TOX3: variants seen among roughly 807,000 people sequenced by gnomAD.
TOX3 encodes CAG trinucleotide repeat-containing gene F9 protein.
In TOX3, 22 loss-of-function variants were observed where a neutral mutation model predicts 64.3. That is an observed-to-expected ratio of 0.34 (90% CI 0.24 to 0.49). TOX3 has a LOEUF of 0.49. Ranked by LOEUF, TOX3 falls within the 20% of genes least tolerant of loss-of-function variation. The probability of loss-of-function intolerance (pLI) is 0.99; values close to 1 mark genes in which losing one functional copy is unlikely to be tolerated. For synonymous variants in TOX3, 291 were observed against 273.6 expected (o/e 1.06, Z -0.63); for missense variants, 661 against 714.4 (o/e 0.93, Z 0.85).
At chr16:52,480,074 G>A (rs144880893) in intron 1 of TOX3, among the ~76,000 whole-genome samples, 2 of 152,120 alleles carry the variant, frequency 1.3e-5, no homozygotes. Flanking sequence ...ACAGTCCTTG[G>A]GGGCAGAGGC....
chr16:52,439,581 T>G lies in TOX3; in HGVS notation c.1375A>C (p.Met459Leu). 1 of 1,578,564 alleles carries G rather than the reference T, an allele frequency of 6.3e-7. No homozygotes were observed. The change falls in exon 7 of 7, where the codon ATG becomes CTG. Residue 459 changes from methionine (M) to leucine (L), a missense_variant. Coordinates refer to ENST00000219746, the MANE Select transcript of TOX3 (RefSeq NM_001080430.4). ...TGCTGCTGGAGTTGCTGCTGCTGCA[T>G]CTGTTGCATCTGTTGTTGTTGCTGC... ...QQQQQQQMQQ[M>L]QQQQLQQHQM...
intron 1 of TOX3, among the ~76,000 whole-genome samples, chr16:52,526,433 G>A (rs866857119): frequency 2.0e-5 from 3 of 152,158 alleles, no homozygotes; most frequent in Non-Finnish European, 4.4e-5. Context: ...ATGGTAGCTC[G>A]GATGGATTCC....
In TOX3 at chr16:52,480,097, G is replaced by A. The variant is rs572611910; in HGVS notation, c.88-11523C>T. Among the ~76,000 whole-genome samples the A allele has an allele frequency of 2.4e-4, 36 of 152,230 alleles. No homozygotes were observed. The South Asian group carries it at 7.5e-3, about 32-fold the overall frequency. On this transcript the variant is annotated intron_variant, in intron 1 of 6. Coordinates refer to ENST00000219746, the MANE Select transcript of TOX3 (RefSeq NM_001080430.4). Reference sequence around the variant, plus strand: ...TGGGGGCAGAGGCAATGCCTCATTGGCCATTGCAACACCAGGGCCAGGCAC... The same window carrying A: ...TGGGGGCAGAGGCAATGCCTCATTGACCATTGCAACACCAGGGCCAGGCAC...
chr16:52,454,676 C>T (rs1205706754), intron 3 of TOX3, among the ~76,000 whole-genome samples: 1 of 152,158 alleles, frequency 6.6e-6, no homozygotes, highest in African/African-American at 2.4e-5. Context: ...AGGACTACCA[C>T]ATAAAAAGAG....
intron 1 of TOX3, among the ~76,000 whole-genome samples, chr16:52,515,011 CAAA>C (rs56746564): frequency 3.3e-3 from 53 of 15,830 alleles, no homozygotes; most frequent in African/African-American, 9.5e-3. Flanking sequence ...GACTCCATCT[CAAA>C]AAAAAAAAAA....
Position 52,508,720 on chromosome 16 carries a change from C to T in TOX3, c.87+37917G>A, listed in dbSNP as rs187545182. The stretch of plus-strand genomic sequence containing the variant: ...CTGGGGGCAGGAAGGGAGGGAGTTG[C>T]AACTGAGAAGCGCACAGAGAGAACT... On this transcript the variant is annotated intron_variant, in intron 1 of 6. Coordinates refer to ENST00000219746, the MANE Select transcript of TOX3 (RefSeq NM_001080430.4). 1.1e-4 allele frequency among the ~76,000 whole-genome samples: 17 copies of T among 152,070 alleles called. No individual in the cohort carries two copies. The East Asian group carries it at 2.9e-3, about 26-fold the overall frequency.
chr16:52,521,571 G>A (rs975677323), intron 1 of TOX3, among the ~76,000 whole-genome samples: 50 of 152,334 alleles, frequency 3.3e-4, no homozygotes, highest in African/African-American at 1.2e-3. Flanking sequence ...CATCTGTGCC[G>A]ATGACACTGT....
chr16:52,454,078 A>C (rs1960442480), intron 3 of TOX3, among the ~76,000 whole-genome samples: 1 of 152,212 alleles, frequency 6.6e-6, no homozygotes, highest in South Asian at 2.1e-4. Context: ...TTGACAGAAA[A>C]CCTGGGCCCT....
intron 1 of TOX3, among the ~76,000 whole-genome samples, chr16:52,519,057 G>A (rs548533435): frequency 3.3e-5 from 5 of 152,282 alleles, no homozygotes; most frequent in Admixed American, 1.3e-4. Flanking sequence ...TAGTAAGGAC[G>A]ACTCACAAGA....
intron 1 of TOX3, among the ~76,000 whole-genome samples, chr16:52,513,109 A>T (rs1475038997): frequency 7.2e-5 from 11 of 152,228 alleles, no homozygotes; most frequent in Non-Finnish European, 1.2e-4. Context: ...AGCTTAAGAA[A>T]AAAGAAGTCC....
chr16:52,507,918 G>A (rs537488477), intron 1 of TOX3, among the ~76,000 whole-genome samples: 2 of 152,250 alleles, frequency 1.3e-5, no homozygotes, highest in African/African-American at 2.4e-5. Context: ...AGGAGTGAAG[G>A]TAAATCAGAT....
At chr16:52,494,591 A>G (rs1961788381) in intron 1 of TOX3, among the ~76,000 whole-genome samples, 1 of 152,192 alleles carries the variant, frequency 6.6e-6, no homozygotes, top group Non-Finnish European at 1.5e-5. Flanking sequence ...TACATTTGTT[A>G]GATTACTCTG....
rs114402842 is a variant in TOX3 at position 52,454,493 on chromosome 16, C to T, written c.409-3947G>A. Among the ~76,000 whole-genome samples the T allele has an allele frequency of 1.4e-3, 220 of 152,276 alleles. 2 individuals carry two copies. The highest frequency in any genetic ancestry group is 4.9e-3 in the African/African-American group (205 of 41,566). On this transcript the variant is annotated intron_variant, in intron 3 of 6. Coordinates refer to ENST00000219746, the MANE Select transcript of TOX3 (RefSeq NM_001080430.4). Reference sequence around the variant, plus strand: ...TTCACAGTTATCCCATAATCACCTCCTATGAGTGAAGATTATAGTATAAGA... The same window carrying T: ...TTCACAGTTATCCCATAATCACCTCTTATGAGTGAAGATTATAGTATAAGA...
chr16:52,482,807 A>G (rs1048722524), intron 1 of TOX3, among the ~76,000 whole-genome samples: 1 of 152,214 alleles, frequency 6.6e-6, no homozygotes, highest in Non-Finnish European at 1.5e-5. Context: ...TCTCATCGCT[A>G]CTAGTGGAAA....
chr16:52,444,190 G>T, intron 6 of TOX3, 86 bp downstream of exon 6: 1 of 1,003,172 alleles, frequency 1.0e-6, no homozygotes, highest in Non-Finnish European at 1.4e-6. Flanking sequence ...AACTTTTAGG[G>T]GAGCTACAAG....
chr16:52,546,441 G>A (rs1031184863), intron 1 of TOX3, among the ~76,000 whole-genome samples, 196 bp downstream of exon 1: 1 of 152,140 alleles, frequency 6.6e-6, no homozygotes, highest in African/African-American at 2.4e-5. Context: ...GCGCCGGCTG[G>A]GGGACAAAAA....
chr16:52,463,456 T>C (rs1960755601), intron 3 of TOX3, among the ~76,000 whole-genome samples: 1 of 152,246 alleles, frequency 6.6e-6, no homozygotes, highest in South Asian at 2.1e-4. Context: ...TCTCTGCTGG[T>C]TATAAGCAAT....
In TOX3 at chr16:52,451,670, G is replaced by A. The variant is rs375372458; in HGVS notation, c.409-1124C>T. Among the ~76,000 whole-genome samples, 29 of 151,992 alleles carry A rather than the reference G, an allele frequency of 1.9e-4. No individual in the cohort carries two copies. The East Asian group carries it at 2.1e-3, about 11-fold the overall frequency. On this transcript the variant is annotated intron_variant, in intron 3 of 6. Transcript: ENST00000219746. ...GCTTATTTTTGCTCTTTAAAGAAGCGGAATGAATTGTAAATAACTAAATTG... is the reference window on the plus strand; with the variant it reads ...GCTTATTTTTGCTCTTTAAAGAAGCAGAATGAATTGTAAATAACTAAATTG...
At position 52,541,823 on chromosome 16, in the gene TOX3, A is replaced by G. The variant is rs45510798; in HGVS notation, c.87+4814T>C. On this transcript the variant is annotated intron_variant, in intron 1 of 6. Transcript: ENST00000219746. ...TCTGGAGTGGTCAAATAGTTTGTGGACCTCTAGTTAGGAGCAGCAGGACTG... is the reference window on the plus strand; with the variant it reads ...TCTGGAGTGGTCAAATAGTTTGTGGGCCTCTAGTTAGGAGCAGCAGGACTG... 8.3e-3 allele frequency among the ~76,000 whole-genome samples: 1,262 copies of G among 152,270 alleles called. 9 individuals carry two copies. Among genetic ancestry groups the G allele is most frequent in the Non-Finnish European group, 0.013 (874 of 68,004 alleles).
Sources: gnomAD v4.1 joint callset for allele counts (sites outside exome capture counted in the v4.1 genomes callset) on GRCh38, gnomAD v4.1.1 for gene constraint, MANE v1.5 for transcripts, NCBI Gene and HGNC (gene_info 2026-07-23, HGNC 2026-07-21) for gene names.